Variants in NTRK3 observed in about 807,000 individuals in gnomAD.
The protein encoded by NTRK3 is NT-3 growth factor receptor.
NTRK3 carries 24 observed loss-of-function variants against 91.7 expected under a neutral mutation model. The observed-to-expected ratio is 0.26, with a 90% confidence interval of 0.19 to 0.37. The LOEUF (loss-of-function observed/expected upper bound fraction) is 0.37. Ranked by LOEUF, NTRK3 falls within the 10% of genes least tolerant of loss-of-function variation. NTRK3 has a pLI of 1.00. For missense variants in NTRK3, 880 were observed against 1,068.9 expected (o/e 0.82, Z 2.46); for synonymous variants, 483 against 404.0 (o/e 1.20, Z -2.34).
At chr15:87,998,255 G>C (rs576950960) in intron 14 of NTRK3, among the ~76,000 whole-genome samples, 1 of 152,362 alleles carries the variant, frequency 6.6e-6, no homozygotes, top group Non-Finnish European at 1.5e-5. Context: ...TGCAGCTTAT[G>C]ATTCAGGAAC....
intron 6 of NTRK3, among the ~76,000 whole-genome samples, chr15:88,145,010 A>G (rs2042753153): frequency 6.6e-6 from 1 of 152,126 alleles, no homozygotes; most frequent in African/African-American, 2.4e-5. Context: ...TGGCTCCACA[A>G]CACACTGAGC....
chr15:88,195,784 G>A (rs1354532916), intron 3 of NTRK3, among the ~76,000 whole-genome samples: 2 of 152,210 alleles, frequency 1.3e-5, no homozygotes, highest in Non-Finnish European at 2.9e-5. Flanking sequence ...GTCTTGGGGG[G>A]AAAAGCCTGA....
rs377178701 is a variant in NTRK3 at position 87,961,255 on chromosome 15, A to C, written c.1586-20502T>G. ...GCCATCTCCCTCTGAATCACAGACCAGGTTTGAATCCACCATGTAAACCTG... is the reference window on the plus strand; with the variant it reads ...GCCATCTCCCTCTGAATCACAGACCCGGTTTGAATCCACCATGTAAACCTG... On this transcript the variant is annotated intron_variant, in intron 14 of 18. Coordinates refer to ENST00000394480, the Ensembl canonical transcript of NTRK3. Among the ~76,000 whole-genome samples the C allele has an allele frequency of 4.6e-5, 7 of 152,314 alleles. No homozygotes were observed. In the East Asian group the frequency reaches 1.2e-3, roughly 25 times the overall value.
intron 14 of NTRK3, among the ~76,000 whole-genome samples, chr15:88,005,754 C>T (rs2076441462): frequency 6.6e-6 from 1 of 152,126 alleles, no homozygotes; most frequent in Non-Finnish European, 1.5e-5. Context: ...CCCCATCTAC[C>T]CCAACAACTA....
intron 5 of NTRK3, among the ~76,000 whole-genome samples, chr15:88,161,852 C>T (rs183155742): frequency 2.6e-4 from 39 of 152,272 alleles, no homozygotes; most frequent in Non-Finnish European, 2.8e-4. Flanking sequence ...GGGACTGCAT[C>T]GTCCTGGGGG....
intron 14 of NTRK3, among the ~76,000 whole-genome samples, chr15:87,975,384 T>G (rs1002630660): frequency 6.6e-6 from 1 of 152,292 alleles, no homozygotes; most frequent in African/African-American, 2.4e-5. Flanking sequence ...GCAAGCACCC[T>G]GGGTTCGTGA....
At chr15:88,146,098 T>C (rs2042866837) in intron 6 of NTRK3, among the ~76,000 whole-genome samples, 1 of 152,218 alleles carries the variant, frequency 6.6e-6, no homozygotes, top group African/African-American at 2.4e-5. Context: ...ACTTAAGAGA[T>C]TGCTTGGCAC....
intron 11 of NTRK3, among the ~76,000 whole-genome samples, chr15:88,127,458 T>C (rs969342202): frequency 1.3e-5 from 2 of 152,134 alleles, no homozygotes; most frequent in Non-Finnish European, 2.9e-5. Flanking sequence ...ACAGGCTCCA[T>C]AGGAATAAAG....
intron 13 of NTRK3, among the ~76,000 whole-genome samples, chr15:88,114,064 T>C (rs1224023242): frequency 6.6e-6 from 1 of 152,084 alleles, no homozygotes; most frequent in Admixed American, 6.5e-5. Flanking sequence ...CTGTCAAGCA[T>C]GTGGCATGAG....
At chr15:88,249,094 G>A (rs547754730) in intron 3 of NTRK3, among the ~76,000 whole-genome samples, 8 of 152,224 alleles carry the variant, frequency 5.3e-5, no homozygotes, top group East Asian at 1.9e-4. Flanking sequence ...TTGATGATGC[G>A]TGTCTGGGGA....
intron 3 of NTRK3, among the ~76,000 whole-genome samples, chr15:88,254,570 C>T (rs1446851339): frequency 6.6e-6 from 1 of 152,196 alleles, no homozygotes; most frequent in East Asian, 1.9e-4. Context: ...GCCGAGAGGG[C>T]TGGTGGGCTT....
intron 17 of NTRK3, among the ~76,000 whole-genome samples, chr15:87,919,788 G>C (rs1259583454): frequency 6.6e-6 from 1 of 152,200 alleles, no homozygotes; most frequent in African/African-American, 2.4e-5. Flanking sequence ...TAATGTAGAA[G>C]AGTCTGCTTC....
intron 14 of NTRK3, among the ~76,000 whole-genome samples, chr15:88,017,189 A>T (rs1390670909): frequency 3.3e-5 from 5 of 152,096 alleles, no homozygotes; most frequent in Non-Finnish European, 5.9e-5. Flanking sequence ...ATTATTTTCT[A>T]ATGATTGCTC....
intron 14 of NTRK3, among the ~76,000 whole-genome samples, chr15:87,941,245 G>T (rs903116113): frequency 1.6e-4 from 24 of 152,142 alleles, no homozygotes; most frequent in African/African-American, 5.8e-4. Context: ...TGAGAATCAG[G>T]TTGGAATCCT....
At chr15:87,883,775 T>C (rs1567067702) in intron 17 of NTRK3, among the ~76,000 whole-genome samples, 1 of 151,280 alleles carries the variant, frequency 6.6e-6, no homozygotes, top group Admixed American at 6.6e-5. Flanking sequence ...GAAAGAATAA[T>C]TTTTTAAAAG....
chr15:87,984,033 G>A (rs187077316), intron 14 of NTRK3, among the ~76,000 whole-genome samples: 2 of 152,204 alleles, frequency 1.3e-5, no homozygotes, highest in East Asian at 1.9e-4. Context: ...GTCTGGTCAC[G>A]GACCCCTTCA....
intron 13 of NTRK3, 43 bp downstream of exon 13, chr15:88,126,228 G>C: frequency 5.8e-6 from 8 of 1,376,616 alleles, no homozygotes; most frequent in Non-Finnish European, 8.3e-6. Flanking sequence ...AAGCAGTAAT[G>C]TTTCCCCCCA....
rs1596537156 is a variant in NTRK3, at chr15:87,986,653, T to C, written c.1586-45900A>G. Among the ~76,000 whole-genome samples, 6 of 152,384 alleles carry C rather than the reference T, an allele frequency of 3.9e-5. No individual in the cohort carries two copies. In the South Asian group the frequency reaches 1.2e-3, roughly 32 times the overall value. Reference sequence around the variant, plus strand: ...TAGCTAACGAAGTCCATGATGTGAATATGCTACAAATTATCTGCCTATTCT... The same window carrying C: ...TAGCTAACGAAGTCCATGATGTGAACATGCTACAAATTATCTGCCTATTCT... On this transcript the variant is annotated intron_variant, in intron 14 of 18. Coordinates refer to ENST00000394480, the Ensembl canonical transcript of NTRK3.
chr15:88,126,222 A>C, intron 13 of NTRK3, 49 bp downstream of exon 13: 1 of 1,307,130 alleles, frequency 7.7e-7, no homozygotes, highest in Non-Finnish European at 1.1e-6. Flanking sequence ...GATCAAAAGC[A>C]GTAATGTTTC....
Sources: allele counts gnomAD v4.1 joint callset (sites outside exome capture counted in the v4.1 genomes callset), GRCh38; gene constraint gnomAD v4.1.1; transcripts MANE v1.5; gene names NCBI Gene and HGNC (gene_info 2026-07-23, HGNC 2026-07-21).